Variants in LINGO2 observed in about 807,000 individuals in gnomAD.
LINGO2 encodes the protein leucine rich repeat and Ig domain containing 2, also known as leucine-rich repeat and immunoglobulin-like domain-containing nogo receptor-interacting protein 2.
A neutral mutation model predicts 30.6 loss-of-function variants in LINGO2; 14 were observed. The ratio of observed to expected loss-of-function variants is 0.46; its 90% CI spans 0.30 to 0.72. The LOEUF (loss-of-function observed/expected upper bound fraction) is 0.72. LINGO2 is among the 30% of genes least tolerant of loss of function. The pLI is 0.07. For synonymous variants in LINGO2, 317 were observed against 288.5 expected, an observed-to-expected ratio of 1.10 and a Z score of -1.00; for missense variants, 729 against 751.7, an observed-to-expected ratio of 0.97 and a Z score of 0.35.
chr9:28,155,623 A>G (rs987218226), intron 4 of LINGO2, among the ~76,000 whole-genome samples: 4 of 152,214 alleles, frequency 2.6e-5, no homozygotes, highest in African/African-American at 7.2e-5. Flanking sequence ...ACTGTTTACA[A>G]TTATGAGACA....
intron 1 of LINGO2, among the ~76,000 whole-genome samples, chr9:28,650,746 T>A (rs181205232): frequency 1.2e-3 from 176 of 152,290 alleles, no homozygotes; most frequent in Admixed American, 6.5e-3. Context: ...CTAGTGCATA[T>A]ATATGTTTTA....
chr9:28,026,679 C>A (rs564784551), intron 4 of LINGO2, among the ~76,000 whole-genome samples: 1 of 152,252 alleles, frequency 6.6e-6, no homozygotes, highest in South Asian at 2.1e-4. Context: ...CTTACTGTTT[C>A]TTATTTTTTT....
chr9:28,953,184 C>T, the LINGO2 span, among the ~76,000 whole-genome samples: 1 of 152,076 alleles, frequency 6.6e-6, no homozygotes, highest in Non-Finnish European at 1.5e-5. Flanking sequence ...TTGAATTGAA[C>T]ATTTATCATT....
chr9:28,887,144 G>A, the LINGO2 span, among the ~76,000 whole-genome samples: 8 of 152,142 alleles, frequency 5.3e-5, no homozygotes, highest in South Asian at 2.1e-4. Context: ...ATACAAACAC[G>A]CTTGTCAGTT....
intron 1 of LINGO2, among the ~76,000 whole-genome samples, chr9:28,651,461 C>T (rs1039404833): frequency 6.6e-5 from 10 of 152,072 alleles, no homozygotes; most frequent in African/African-American, 2.4e-4. Flanking sequence ...ACCTCTCATT[C>T]TACACTGCTC....
rs1057163786 is a variant in LINGO2, at chr9:28,533,427, A to G, written c.-364-57402T>C. On this transcript the variant is annotated intron_variant, in intron 1 of 5. Transcript: ENST00000379992. ...TCCTGTGAGTCAACACTCCTTAAAA[A>G]TCTCCCCTGCACACATCCATCTATC... Among the ~76,000 whole-genome samples, 3 of 151,658 alleles carry G rather than the reference A, an allele frequency of 2.0e-5. 1 individual carries two copies. The highest frequency in any genetic ancestry group is 4.2e-4 in the South Asian group (2 of 4,808).
At chr9:28,145,527 CTG>C (rs1435721623) in intron 4 of LINGO2, among the ~76,000 whole-genome samples, 1 of 152,130 alleles carries the variant, frequency 6.6e-6, no homozygotes, top group Non-Finnish European at 1.5e-5. Flanking sequence ...GACTGGCTGT[CTG>C]TACTCTAATT....
At chr9:27,958,612 A>G (rs1819691772) in intron 5 of LINGO2, among the ~76,000 whole-genome samples, 1 of 152,136 alleles carries the variant, frequency 6.6e-6, no homozygotes, top group Admixed American at 6.5e-5. Flanking sequence ...GTCCTATTTT[A>G]TTAGCAATTT....
chr9:29,077,415 T>C, the LINGO2 span, among the ~76,000 whole-genome samples: 2 of 152,118 alleles, frequency 1.3e-5, no homozygotes, highest in East Asian at 3.9e-4. Flanking sequence ...CATGTCAATA[T>C]GACACAGAAA....
chr9:27,970,246 T>C (rs1487178603), intron 5 of LINGO2, among the ~76,000 whole-genome samples: 1 of 152,158 alleles, frequency 6.6e-6, no homozygotes, highest in African/African-American at 2.4e-5. Context: ...AAGGAGGACA[T>C]ATGGCCACCA....
chr9:28,896,752 A>G, the LINGO2 span, among the ~76,000 whole-genome samples: 1 of 152,132 alleles, frequency 6.6e-6, no homozygotes, highest in Admixed American at 6.6e-5. Flanking sequence ...TATTCATATG[A>G]TACTTGTATC....
chr9:28,822,812 T>C, the LINGO2 span, among the ~76,000 whole-genome samples: 7 of 152,156 alleles, frequency 4.6e-5, no homozygotes, highest in Admixed American at 3.3e-4. Flanking sequence ...TTATCTATCC[T>C]ATTAGTTCTG....
chr9:29,197,734 TG>T, the LINGO2 span, among the ~76,000 whole-genome samples: 3 of 152,124 alleles, frequency 2.0e-5, no homozygotes, highest in East Asian at 5.8e-4. Context: ...AACCCAAGAG[TG>T]TTTCATATTA....
chr9:28,498,214 G>A (rs1474531578), intron 1 of LINGO2, among the ~76,000 whole-genome samples: 4 of 152,168 alleles, frequency 2.6e-5, no homozygotes, highest in African/African-American at 9.7e-5. Context: ...AGTCTGCAGA[G>A]GTTTCTGCGG....
intron 4 of LINGO2, among the ~76,000 whole-genome samples, chr9:28,060,071 T>C (rs951949721): frequency 1.3e-5 from 2 of 152,158 alleles, no homozygotes; most frequent in African/African-American, 4.8e-5. Flanking sequence ...ATAATCACTA[T>C]TATTACAAAA....
chr9:28,465,803 C>T lies in LINGO2; in HGVS notation c.-279+10137G>A, dbSNP rs941566228. Among the ~76,000 whole-genome samples, 48 of 152,100 alleles carry T rather than the reference C, an allele frequency of 3.2e-4. 1 individual carries two copies. The highest frequency in any genetic ancestry group is 1.2e-3 in the African/African-American group (48 of 41,398). On this transcript the variant is annotated intron_variant, in intron 2 of 5. Transcript: ENST00000379992. ...ATCCAGTCAAAAATGGGTTAAAGAT[C>T]TGAGTAGACATTTCTTAAAATAAGA... is the stretch of plus-strand genomic sequence containing the variant.
At chr9:28,347,354 T>C (rs1819626185) in intron 3 of LINGO2, among the ~76,000 whole-genome samples, 1 of 152,162 alleles carries the variant, frequency 6.6e-6, no homozygotes, top group East Asian at 1.9e-4. Context: ...GAAAGTCATC[T>C]GAGTAAAAGG....
chr9:29,102,506 A>G, the LINGO2 span, among the ~76,000 whole-genome samples: 2 of 152,220 alleles, frequency 1.3e-5, no homozygotes, highest in Non-Finnish European at 2.9e-5. Flanking sequence ...CTTGTCAAGA[A>G]TTTGTATTCC....
intron 3 of LINGO2, among the ~76,000 whole-genome samples, chr9:28,309,897 C>T (rs1824542142): frequency 6.6e-6 from 1 of 151,888 alleles, no homozygotes; most frequent in African/African-American, 2.4e-5. Flanking sequence ...GGCACATCAG[C>T]ACATGAAATG....
Sources: gnomAD v4.1 joint callset for allele counts (sites outside exome capture counted in the v4.1 genomes callset) on GRCh38, gnomAD v4.1.1 for gene constraint, MANE v1.5 for transcripts, NCBI Gene and HGNC (gene_info 2026-07-23, HGNC 2026-07-21) for gene names.